Variants in DTNB observed in about 807,000 individuals in gnomAD.
DTNB encodes the protein dystrobrevin beta, also known as DTN-B.
DTNB carries 63 observed loss-of-function variants against 90.7 expected under a neutral mutation model. That is an observed-to-expected ratio of 0.69 (90% CI 0.57 to 0.86). The LOEUF (loss-of-function observed/expected upper bound fraction) is 0.86. Among genes scored for constraint, DTNB ranks in the 40% least tolerant of loss-of-function variants. The pLI, the probability that DTNB is intolerant of heterozygous loss-of-function variation, is 0.00. For synonymous variants in DTNB, 277 were observed against 286.7 expected, an observed-to-expected ratio of 0.97 and a Z score of 0.34; for missense variants, 744 against 807.1, an observed-to-expected ratio of 0.92 and a Z score of 0.95.
chr2:25,487,702 T>A (rs1432890070), intron 9 of DTNB, among the ~76,000 whole-genome samples: 2 of 152,058 alleles, frequency 1.3e-5, no homozygotes, highest in African/African-American at 4.8e-5. Context: ...AGAAAAAGAA[T>A]TAAGAGAACC....
At position 25,519,251 on chromosome 2, in the gene DTNB, C is replaced by T. The variant is rs2150774144; in HGVS notation, c.1001+12222G>A. Among the ~76,000 whole-genome samples, 2 of 151,838 alleles carry T rather than the reference C, an allele frequency of 1.3e-5. 1 individual carries two copies. The highest frequency in any genetic ancestry group is 3.9e-4 in the East Asian group (2 of 5,164). On this transcript the variant is annotated intron_variant, in intron 9 of 20. Coordinates refer to ENST00000406818, the MANE Select transcript of DTNB (RefSeq NM_021907.5). ...TGGTGACATGTGCCTGTAGTCCTAGCTACTTGGGAGGCTGAGACAGGAGGA... is the reference window on the plus strand; with the variant it reads ...TGGTGACATGTGCCTGTAGTCCTAGTTACTTGGGAGGCTGAGACAGGAGGA...
chr2:25,657,168 T>C (rs57290552), intron 1 of DTNB, among the ~76,000 whole-genome samples: 3,979 of 151,592 alleles, frequency 0.026, 67 homozygotes, highest in African/African-American at 0.05. Flanking sequence ...AGAGTGAGAC[T>C]CCGTCTCAAA....
chr2:25,386,180 G>A (rs969529745), intron 18 of DTNB: 4 of 913,156 alleles, frequency 4.4e-6, no homozygotes, highest in Non-Finnish European at 3.9e-6. Flanking sequence ...CTGGAAAGAC[G>A]AAGCTGGGCT....
chr2:25,416,837 G>GA (rs1553349553), intron 16 of DTNB, among the ~76,000 whole-genome samples: 1 of 151,450 alleles, frequency 6.6e-6, no homozygotes, highest in Non-Finnish European at 1.5e-5. Flanking sequence ...AGGAAGGAAG[G>GA]AAGGAAGGAA....
chr2:25,642,238 G>A (rs949552581), intron 2 of DTNB, among the ~76,000 whole-genome samples: 5 of 152,124 alleles, frequency 3.3e-5, no homozygotes, highest in Non-Finnish European at 5.9e-5. Context: ...GATAGGAGAA[G>A]GCAGGATATG....
chr2:25,573,891 T>C (rs554259283), intron 8 of DTNB, among the ~76,000 whole-genome samples: 1 of 152,306 alleles, frequency 6.6e-6, no homozygotes, highest in South Asian at 2.1e-4. Context: ...CACAGTCAAG[T>C]GGGTTGCTGG....
chr2:25,385,025 T>C (rs1243396448), intron 18 of DTNB, among the ~76,000 whole-genome samples: 1 of 151,942 alleles, frequency 6.6e-6, no homozygotes, highest in Non-Finnish European at 1.5e-5. Flanking sequence ...ATTACAGACA[T>C]GCACCACCAT....
intron 8 of DTNB, among the ~76,000 whole-genome samples, chr2:25,541,481 AAAAAATAAATAAATACATAAAT>A (rs1447165882): frequency 1.3e-5 from 2 of 152,156 alleles, no homozygotes; most frequent in Non-Finnish European, 2.9e-5. Flanking sequence ...CTCCGTCTCA[AAAAAATAAATAAATACATAAAT>A]AAAAATAAAT....
intron 19 of DTNB, 68 bp downstream of exon 19, chr2:25,383,768 T>TG (rs775338933): frequency 8.1e-6 from 13 of 1,613,332 alleles, no homozygotes; most frequent in Non-Finnish European, 1.0e-5. Flanking sequence ...AGAAACAAAG[T>TG]GGGGGGCGGC....
At chr2:25,448,751 G>C (rs1335824902) in intron 12 of DTNB, among the ~76,000 whole-genome samples, 2 of 151,818 alleles carry the variant, frequency 1.3e-5, no homozygotes, top group Admixed American at 6.6e-5. Context: ...CTACTCAGGA[G>C]GCTGAGGCAG....
chr2:25,481,823 C>T (rs1333129435), intron 10 of DTNB: 1 of 152,182 alleles, frequency 6.6e-6, no homozygotes, highest in Non-Finnish European at 1.5e-5. Flanking sequence ...TGATGTTGTC[C>T]CAGAAATCTG....
chr2:25,579,463 G>C (rs555860781), intron 7 of DTNB, among the ~76,000 whole-genome samples: 94 of 152,196 alleles, frequency 6.2e-4, no homozygotes, highest in Non-Finnish European at 1.2e-3. Context: ...GCTCTTCCTC[G>C]TTCTCTTTTG....
intron 16 of DTNB, among the ~76,000 whole-genome samples, chr2:25,408,901 T>A (rs560245016): frequency 1.8e-4 from 27 of 152,168 alleles, no homozygotes; most frequent in Non-Finnish European, 2.8e-4. Flanking sequence ...TGCCTCCAGA[T>A]GCTCTCAGAG....
intron 9 of DTNB, among the ~76,000 whole-genome samples, chr2:25,526,395 A>ATATTTTTT: frequency 1.9e-3 from 93 of 49,820 alleles, no homozygotes; most frequent in African/African-American, 6.0e-3. Flanking sequence ...ATATATATAT[A>ATATTTTTT]TTTTTTTTTT....
Position 25,388,338 on chromosome 2 carries a change from A to G in DTNB, c.1599T>C (p.His533=). Residue 533 remains histidine, a synonymous_variant, in exon 17 of 21, where the codon CAT becomes CAC. Coordinates refer to ENST00000406818, the MANE Select transcript of DTNB (RefSeq NM_021907.5). ...GGCCGCCTCCATGGGTGGGCGATGT[A>G]TGTGGTGACCCTGTGGCCTGAGCCT... ...KQAAQATGSP[H]TSPTHGGGRP... The G allele has an allele frequency of 6.2e-7, 1 of 1,612,164 alleles. No homozygotes were observed. Among genetic ancestry groups the G allele is most frequent in the African/African-American group, 1.3e-5 (1 of 75,036 alleles).
At chr2:25,588,350 G>A (rs1425619879) in intron 6 of DTNB, among the ~76,000 whole-genome samples, 1 of 151,542 alleles carries the variant, frequency 6.6e-6, no homozygotes, top group Non-Finnish European at 1.5e-5. Context: ...CCAAATCACA[G>A]TATACTCTCT....
intron 8 of DTNB, among the ~76,000 whole-genome samples, chr2:25,537,289 A>G (rs370885804): frequency 9.2e-5 from 14 of 152,278 alleles, no homozygotes; most frequent in South Asian, 8.3e-4. Flanking sequence ...TGCATCTGTC[A>G]TCCATGTATT....
intron 3 of DTNB, 75 bp downstream of exon 3, chr2:25,638,939 C>T (rs1212351457): frequency 1.5e-6 from 2 of 1,357,418 alleles, no homozygotes; most frequent in Non-Finnish European, 2.0e-6. Flanking sequence ...TACAATACAA[C>T]TAAAAGATGT....
intron 1 of DTNB, among the ~76,000 whole-genome samples, chr2:25,655,157 G>C (rs894794740): frequency 6.6e-6 from 1 of 152,102 alleles, no homozygotes; most frequent in Admixed American, 6.5e-5. Context: ...CCCAAGTTTC[G>C]ACTGTGAAAG....
Sources: gnomAD v4.1 joint callset for allele counts (sites outside exome capture counted in the v4.1 genomes callset) on GRCh38, gnomAD v4.1.1 for gene constraint, MANE v1.5 for transcripts, NCBI Gene and HGNC (gene_info 2026-07-23, HGNC 2026-07-21) for gene names.